FOXP2: variants seen among roughly 807,000 people sequenced by gnomAD.
The protein encoded by FOXP2 is forkhead box protein P2.
FOXP2 carries 12 observed loss-of-function variants against 115.8 expected under a neutral mutation model. The observed-to-expected ratio is 0.10, with a 90% CI of 0.07 to 0.17. The LOEUF (loss-of-function observed/expected upper bound fraction) is 0.17, where lower values mean the gene tolerates loss of function less well. Among genes scored for constraint, FOXP2 ranks in the 10% least tolerant of loss-of-function variants. The pLI is 1.00. For synonymous variants in FOXP2, 328 were observed against 297.7 expected, an observed-to-expected ratio of 1.10 and a Z score of -1.05; for missense variants, 629 against 843.5, an observed-to-expected ratio of 0.75 and a Z score of 3.15.
At chr7:114,298,601 T>G (rs1796801279) in intron 2 of FOXP2, among the ~76,000 whole-genome samples, 1 of 152,152 alleles carries the variant, frequency 6.6e-6, no homozygotes, top group Non-Finnish European at 1.5e-5. Flanking sequence ...GAAGGTGTGG[T>G]GCTCAGAAAA....
chr7:114,644,240 C>A (rs1805744659), intron 7 of FOXP2, among the ~76,000 whole-genome samples: 2 of 152,180 alleles, frequency 1.3e-5, no homozygotes, highest in East Asian at 3.9e-4. Flanking sequence ...GTGGTTTATA[C>A]ATAAATATTA....
chr7:114,189,919 T>C (rs1793712060), intron 1 of FOXP2, among the ~76,000 whole-genome samples: 2 of 152,146 alleles, frequency 1.3e-5, no homozygotes, highest in Admixed American at 1.3e-4. Flanking sequence ...GAGTATTTCA[T>C]GCAAATGAGT....
At chr7:114,426,256 A>G (rs1282090507) in intron 1 of FOXP2, among the ~76,000 whole-genome samples, 1 of 151,732 alleles carries the variant, frequency 6.6e-6, no homozygotes, top group South Asian at 2.1e-4. Flanking sequence ...TGCTATATGC[A>G]TGGTATGTTA....
chr7:114,652,614 A>G (rs1445619183), intron 9 of FOXP2, among the ~76,000 whole-genome samples: 1 of 152,132 alleles, frequency 6.6e-6, no homozygotes. Context: ...ATTTTATTAC[A>G]GAGAGAGTTT....
intron 1 of FOXP2, among the ~76,000 whole-genome samples, chr7:114,208,810 A>G (rs940762420): frequency 2.6e-5 from 4 of 152,110 alleles, no homozygotes; most frequent in Non-Finnish European, 4.4e-5. Flanking sequence ...CATGTAAGAC[A>G]TGACTTGCTC....
At position 114,517,462 on chromosome 7, in the gene FOXP2, A is replaced by G. The variant is rs898669303; in HGVS notation, c.169-17155A>G. Among the ~76,000 whole-genome samples, 5 of 152,180 alleles carry G rather than the reference A, an allele frequency of 3.3e-5. No homozygotes were observed. The East Asian group carries it at 9.7e-4, about 29-fold the overall frequency. On this transcript the variant is annotated intron_variant, in intron 2 of 16. Transcript: ENST00000350908. ...TTCCCCTTGTATTTTCTTCTAGTGC[A>G]GTTTTTTATCTACATTTACAGTTGT...
chr7:114,209,663 C>G (rs1167696067), intron 1 of FOXP2, among the ~76,000 whole-genome samples: 1 of 152,080 alleles, frequency 6.6e-6, no homozygotes, highest in Non-Finnish European at 1.5e-5. Context: ...TACTGGGGTT[C>G]TCTGCATTTC....
intron 6 of FOXP2, among the ~76,000 whole-genome samples, chr7:114,633,081 G>A (rs1179904222): frequency 6.6e-6 from 1 of 151,974 alleles, no homozygotes. Context: ...AATGAAATCT[G>A]TATTTAGGAT....
intron 2 of FOXP2, chr7:114,498,798 G>A (rs1224977256): frequency 2.8e-6 from 2 of 706,628 alleles, no homozygotes; most frequent in Non-Finnish European, 5.2e-6. Flanking sequence ...AATTTTTTTG[G>A]GGGTATATGT....
Position 114,662,301 on chromosome 7 carries a change from G to A in FOXP2, c.1769+115G>A, listed in dbSNP as rs775981744. 130 of 1,408,818 alleles carry A rather than the reference G, an allele frequency of 9.2e-5. No homozygotes were observed. In the Middle Eastern group the frequency reaches 3.4e-3, roughly 37 times the overall value. 87.3% of individuals were successfully genotyped at this position (1,408,818 alleles called of 1,614,324 possible). A position where few individuals can be genotyped will look rare whatever the true frequency, so the allele number is the denominator to read the frequency against. On this transcript the variant is annotated intron_variant, in intron 14 of 16. Coordinates refer to ENST00000350908, the MANE Select transcript of FOXP2 (RefSeq NM_014491.4). ...AGCTTAATGGCATGCTAACATTCTC[G>A]TGGCAATGAACTGCATTTTGAATCT... is the stretch of plus-strand genomic sequence containing the variant.
intron 2 of FOXP2, among the ~76,000 whole-genome samples, chr7:114,331,829 A>G (rs762753332): frequency 6.6e-6 from 1 of 151,960 alleles, no homozygotes; most frequent in South Asian, 2.1e-4. Flanking sequence ...TATTTTTACT[A>G]TAGATGGGGT....
chr7:114,237,655 T>C (rs1795045658), intron 1 of FOXP2, among the ~76,000 whole-genome samples: 1 of 152,052 alleles, frequency 6.6e-6, no homozygotes, highest in African/African-American at 2.4e-5. Context: ...CTTTTTTTTT[T>C]GTTTGTTTTT....
At chr7:114,361,358 G>A (rs1198336339) in intron 2 of FOXP2, among the ~76,000 whole-genome samples, 1 of 152,038 alleles carries the variant, frequency 6.6e-6, no homozygotes, top group Non-Finnish European at 1.5e-5. Flanking sequence ...TAAAAGAATG[G>A]CTGACAGTAT....
In FOXP2 at chr7:114,543,707, T is replaced by C. The variant is rs77696536; in HGVS notation, c.258+9001T>C. ...ACTTTTTAGCTACTTGATTGTTTCA[T>C]GGCTTGAAGAACTGCACAGGTGCAA... On this transcript the variant is annotated intron_variant, in intron 3 of 16. Coordinates refer to ENST00000350908, the MANE Select transcript of FOXP2 (RefSeq NM_014491.4). Among the ~76,000 whole-genome samples the C allele has an allele frequency of 1.3e-3, 205 of 152,330 alleles. 1 individual carries two copies. The highest frequency in any genetic ancestry group is 4.5e-3 in the African/African-American group (188 of 41,576).
intron 2 of FOXP2, among the ~76,000 whole-genome samples, chr7:114,384,511 C>G (rs773855299): frequency 3.3e-5 from 5 of 152,052 alleles, no homozygotes; most frequent in Non-Finnish European, 7.4e-5. Context: ...TGACTGAATA[C>G]CCATTGTATT....
intron 2 of FOXP2, among the ~76,000 whole-genome samples, chr7:114,467,899 T>C (rs1795880996): frequency 6.6e-6 from 1 of 152,128 alleles, no homozygotes. Flanking sequence ...CATCACCTGG[T>C]ATTCTTCACA....
chr7:114,290,844 T>C (rs1433091358), intron 2 of FOXP2, among the ~76,000 whole-genome samples: 1 of 152,152 alleles, frequency 6.6e-6, no homozygotes, highest in East Asian at 1.9e-4. Flanking sequence ...AGAATAGAGA[T>C]AACAGTTCGT....
chr7:114,381,726 C>T (rs576221420), intron 2 of FOXP2, among the ~76,000 whole-genome samples: 12 of 152,208 alleles, frequency 7.9e-5, no homozygotes, highest in East Asian at 3.9e-4. Flanking sequence ...CTCCACTGCC[C>T]GTTGGGTTTC....
At chr7:114,457,883 A>G (rs1311766352) in intron 2 of FOXP2, among the ~76,000 whole-genome samples, 1 of 145,834 alleles carries the variant, frequency 6.9e-6, no homozygotes, top group Non-Finnish European at 1.5e-5. Flanking sequence ...GGCGACAGCG[A>G]GACTCCGTCT....
Sources: gnomAD v4.1 joint callset for allele counts (sites outside exome capture counted in the v4.1 genomes callset) on GRCh38, gnomAD v4.1.1 for gene constraint, MANE v1.5 for transcripts, NCBI Gene and HGNC (gene_info 2026-07-23, HGNC 2026-07-21) for gene names.